Variants in CSMD3 observed in about 807,000 individuals in gnomAD.
CSMD3 encodes the protein CUB and Sushi multiple domains 3, also known as CUB and sushi domain-containing protein 3.
Under a neutral mutation model 435.2 loss-of-function variants are expected in CSMD3, and 177 were observed. The observed-to-expected ratio is 0.41, with a 90% CI of 0.36 to 0.46. The LOEUF is 0.46. Ranked by LOEUF, CSMD3 falls within the 20% of genes least tolerant of loss-of-function variation. The pLI is 0.34. For synonymous variants in CSMD3, 1,656 were observed against 1,520.5 expected, an observed-to-expected ratio of 1.09 and a Z score of -2.07; for missense variants, 4,265 against 4,504.6, an observed-to-expected ratio of 0.95 and a Z score of 1.52.
chr8:112,791,319 G>GGAAAAAAAAAA (rs56289713), intron 13 of CSMD3, among the ~76,000 whole-genome samples: 2 of 103,194 alleles, frequency 1.9e-5, no homozygotes, highest in Non-Finnish European at 1.9e-5. Flanking sequence ...CATATCCTGT[G>GGAAAAAAAAAA]AAAAAAAAAA....
rs556304405 is a variant in CSMD3 at position 112,285,183 on chromosome 8, A to C, written c.9331+1881T>G. Among the ~76,000 whole-genome samples the C allele has an allele frequency of 3.9e-5, 6 of 152,230 alleles. 1 individual carries two copies. The highest frequency in any genetic ancestry group is 3.9e-4 in the Admixed American group (6 of 15,266). On this transcript the variant is annotated intron_variant, in intron 58 of 70. Transcript: ENST00000297405. ...CATGCTAACAAAGCAATATCAGCAC[A>C]AGTCTGCATTTCATCTATAAAATAT...
chr8:112,553,850 G>C (rs912369045), intron 25 of CSMD3, among the ~76,000 whole-genome samples: 5 of 152,042 alleles, frequency 3.3e-5, no homozygotes, highest in African/African-American at 1.2e-4. Context: ...AAAAATTTTA[G>C]ATACTATATT....
At chr8:112,667,266 C>T (rs752770626) in intron 16 of CSMD3, among the ~76,000 whole-genome samples, 36 of 151,986 alleles carry the variant, frequency 2.4e-4, no homozygotes, top group Admixed American at 5.9e-4. Context: ...TAGTACTGAC[C>T]CTCTTCCATT....
At chr8:113,208,834 A>G (rs1288534718) in intron 3 of CSMD3, among the ~76,000 whole-genome samples, 2 of 152,104 alleles carry the variant, frequency 1.3e-5, no homozygotes, top group African/African-American at 2.4e-5. Context: ...GTGTATATGT[A>G]TATTTCTGTG....
chr8:112,380,690 G>C (rs185731923), intron 37 of CSMD3, among the ~76,000 whole-genome samples: 87 of 152,160 alleles, frequency 5.7e-4, no homozygotes, highest in African/African-American at 1.9e-3. Context: ...CTAAAAATAG[G>C]TAGGAGCAAA....
At chr8:112,611,982 T>G (rs947577595) in intron 22 of CSMD3, among the ~76,000 whole-genome samples, 15 of 152,072 alleles carry the variant, frequency 9.9e-5, no homozygotes, top group African/African-American at 3.6e-4. Context: ...ACAAATAGAT[T>G]AAATGATAAA....
chr8:112,449,319 A>G (rs554985295), intron 32 of CSMD3, among the ~76,000 whole-genome samples: 2 of 152,288 alleles, frequency 1.3e-5, no homozygotes, highest in Admixed American at 6.5e-5. Flanking sequence ...ACTAGAAGCA[A>G]CCCTCGCTCT....
At chr8:112,940,097 G>A (rs1214999013) in intron 9 of CSMD3, among the ~76,000 whole-genome samples, 4 of 151,980 alleles carry the variant, frequency 2.6e-5, no homozygotes, top group African/African-American at 2.4e-5. Context: ...GTTCATGTAA[G>A]AAGAATGAGT....
At chr8:112,304,104 C>T (rs1805855797) in intron 52 of CSMD3, among the ~76,000 whole-genome samples, 1 of 152,058 alleles carries the variant, frequency 6.6e-6, no homozygotes, top group Admixed American at 6.6e-5. Flanking sequence ...CTTAACTGCT[C>T]AATTTGGTTC....
At chr8:112,825,474 T>C (rs1209382517) in intron 12 of CSMD3, among the ~76,000 whole-genome samples, 1 of 152,212 alleles carries the variant, frequency 6.6e-6, no homozygotes. Flanking sequence ...GTTTCTATCG[T>C]TGTGGCTGCT....
At chr8:113,308,013 A>G (rs2093835148) in intron 2 of CSMD3, among the ~76,000 whole-genome samples, 1 of 152,070 alleles carries the variant, frequency 6.6e-6, no homozygotes, top group Non-Finnish European at 1.5e-5. Context: ...CATTTTACCC[A>G]TGGCTATAGA....
At chr8:112,766,115 C>A (rs2077972197) in intron 13 of CSMD3, among the ~76,000 whole-genome samples, 3 of 151,728 alleles carry the variant, frequency 2.0e-5, no homozygotes, top group South Asian at 4.1e-4. Flanking sequence ...TCTCTCTACT[C>A]TCCACAGGTG....
chr8:112,946,665 T>C lies in CSMD3; in HGVS notation c.1508+1125A>G, dbSNP rs182493697. Among the ~76,000 whole-genome samples the C allele has an allele frequency of 5.6e-4, 85 of 151,924 alleles. 1 individual carries two copies. The East Asian group carries it at 0.011, about 20-fold the overall frequency. On this transcript the variant is annotated intron_variant, in intron 9 of 70. Transcript: ENST00000297405. ...CATTAAGGCTGAAAGATTTAGTTGA[T>C]TTTAATAAAATCAGTATAACATGTC...
chr8:113,371,841 G>C (rs966399641), intron 1 of CSMD3, among the ~76,000 whole-genome samples: 4 of 152,266 alleles, frequency 2.6e-5, no homozygotes, highest in South Asian at 2.1e-4. Context: ...TGAGTGAATA[G>C]TGGTTTTTAG....
intron 1 of CSMD3, among the ~76,000 whole-genome samples, chr8:113,332,816 C>G (rs2094038462): frequency 6.6e-6 from 1 of 151,238 alleles, no homozygotes; most frequent in Admixed American, 6.6e-5. Flanking sequence ...GCAAGGGAAC[C>G]AAAACAGCCA....
chr8:113,391,205 G>C (rs1023374899), intron 1 of CSMD3, among the ~76,000 whole-genome samples: 1 of 151,994 alleles, frequency 6.6e-6, no homozygotes, highest in Non-Finnish European at 1.5e-5. Flanking sequence ...AGGTAGGAAA[G>C]ATCCATGTTC....
chr8:112,491,954 TAG>T (rs910686799), intron 31 of CSMD3, among the ~76,000 whole-genome samples: 24 of 152,254 alleles, frequency 1.6e-4, no homozygotes, highest in Admixed American at 1.6e-3. Context: ...CTTTCTTATA[TAG>T]AGAGAGTTAT....
intron 10 of CSMD3, among the ~76,000 whole-genome samples, chr8:112,894,926 T>C (rs2081907821): frequency 6.6e-6 from 1 of 151,364 alleles, no homozygotes; most frequent in African/African-American, 2.4e-5. Context: ...CTGGAATGGA[T>C]AATAAATGCC....
intron 1 of CSMD3, among the ~76,000 whole-genome samples, chr8:113,393,259 T>C (rs16884601): frequency 0.014 from 2,075 of 152,112 alleles, 54 homozygotes; most frequent in African/African-American, 0.048. Context: ...ACCAACATTT[T>C]GAAAGCTAAT....
Sources: gnomAD v4.1 joint callset for allele counts (sites outside exome capture counted in the v4.1 genomes callset) on GRCh38, gnomAD v4.1.1 for gene constraint, MANE v1.5 for transcripts, NCBI Gene and HGNC (gene_info 2026-07-23, HGNC 2026-07-21) for gene names.